Variants in DPP10 observed in about 807,000 individuals in gnomAD.
DPP10 encodes dipeptidyl peptidase like 10, also known as inactive dipeptidyl peptidase 10.
DPP10 carries 33 observed loss-of-function variants against 120.9 expected under a neutral mutation model. That is an observed-to-expected ratio of 0.27 (90% CI 0.21 to 0.37). The LOEUF (loss-of-function observed/expected upper bound fraction) is 0.37. Ranked by LOEUF, DPP10 falls within the 10% of genes least tolerant of loss-of-function variation. DPP10 has a pLI of 1.00. For synonymous variants in DPP10, 337 were observed against 326.1 expected (o/e 1.03, Z -0.36); for missense variants, 816 against 942.8 (o/e 0.87, Z 1.76).
intron 5 of DPP10, among the ~76,000 whole-genome samples, chr2:115,621,601 C>A (rs1312191621): frequency 6.6e-6 from 1 of 152,118 alleles, no homozygotes; most frequent in Non-Finnish European, 1.5e-5. Context: ...GGTGTATTTT[C>A]AATCCGCACA....
At chr2:114,484,989 A>C (rs1350802335) in intron 1 of DPP10, among the ~76,000 whole-genome samples, 1 of 152,018 alleles carries the variant, frequency 6.6e-6, no homozygotes, top group Non-Finnish European at 1.5e-5. Flanking sequence ...ATACAAAACA[A>C]GTTAAAAACA....
intron 1 of DPP10, among the ~76,000 whole-genome samples, chr2:115,200,622 C>G (rs184945860): frequency 1.2e-4 from 19 of 152,340 alleles, no homozygotes; most frequent in African/African-American, 4.3e-4. Context: ...CCTGTTTACT[C>G]TGCTAACCTA....
At chr2:114,944,649 C>A (rs1697213411) in intron 1 of DPP10, among the ~76,000 whole-genome samples, 1 of 152,116 alleles carries the variant, frequency 6.6e-6, no homozygotes, top group South Asian at 2.1e-4. Flanking sequence ...TCTATAGGAA[C>A]CATATAACGT....
chr2:114,463,037 G>A (rs551140548), intron 1 of DPP10, among the ~76,000 whole-genome samples: 2 of 151,924 alleles, frequency 1.3e-5, no homozygotes, highest in Non-Finnish European at 2.9e-5. Flanking sequence ...CAATTTCCCC[G>A]AGGACTCTGG....
intron 19 of DPP10, among the ~76,000 whole-genome samples, chr2:115,805,029 G>C (rs991641859): frequency 7.2e-5 from 11 of 152,218 alleles, no homozygotes; most frequent in Admixed American, 2.6e-4. Flanking sequence ...GCCCCCAGAG[G>C]TGGAGCCTAC....
intron 4 of DPP10, among the ~76,000 whole-genome samples, chr2:115,505,259 A>G (rs1308631641): frequency 6.6e-6 from 1 of 151,950 alleles, no homozygotes; most frequent in Non-Finnish European, 1.5e-5. Flanking sequence ...TAAAAATAAT[A>G]TTAAAAATAA....
intron 1 of DPP10, among the ~76,000 whole-genome samples, chr2:115,289,181 C>A (rs571011201): frequency 6.6e-6 from 1 of 152,036 alleles, no homozygotes; most frequent in South Asian, 2.1e-4. Flanking sequence ...AGAACTCAAC[C>A]GCTTTTATAA....
At chr2:114,748,189 G>A (rs571621990) in intron 1 of DPP10, among the ~76,000 whole-genome samples, 23 of 151,786 alleles carry the variant, frequency 1.5e-4, no homozygotes, top group East Asian at 9.7e-4. Flanking sequence ...ATCTGTTTTC[G>A]TTTTTGTTTT....
chr2:114,690,339 A>T (rs1206072839), intron 1 of DPP10, among the ~76,000 whole-genome samples: 1 of 152,072 alleles, frequency 6.6e-6, no homozygotes, highest in Non-Finnish European at 1.5e-5. Flanking sequence ...TTAAATGGGG[A>T]GTCCTTTCCC....
intron 1 of DPP10, among the ~76,000 whole-genome samples, chr2:115,032,714 C>T (rs1703923724): frequency 6.6e-6 from 1 of 150,858 alleles, no homozygotes; most frequent in Non-Finnish European, 1.5e-5. Context: ...AACCCGGTAT[C>T]TACTGAAAAA....
chr2:114,476,751 T>C (rs767703693), intron 1 of DPP10, among the ~76,000 whole-genome samples: 4 of 152,078 alleles, frequency 2.6e-5, no homozygotes, highest in Non-Finnish European at 5.9e-5. Flanking sequence ...AGTTTAGCAA[T>C]CATACAGAAA....
intron 1 of DPP10, among the ~76,000 whole-genome samples, chr2:114,870,135 A>G (rs1690566984): frequency 6.6e-6 from 1 of 152,178 alleles, no homozygotes; most frequent in African/African-American, 2.4e-5. Context: ...CTCTGGGCAC[A>G]TGATTTTTGT....
intron 1 of DPP10, among the ~76,000 whole-genome samples, chr2:114,751,402 C>G (rs1679207570): frequency 6.6e-6 from 1 of 152,214 alleles, no homozygotes; most frequent in South Asian, 2.1e-4. Context: ...GCTCAGCGTT[C>G]ATTTGGTCCT....
chr2:115,294,563 CT>C (rs2060800238), intron 1 of DPP10, among the ~76,000 whole-genome samples: 1 of 151,706 alleles, frequency 6.6e-6, no homozygotes, highest in Non-Finnish European at 1.5e-5. Context: ...GACTTTTCTT[CT>C]TTGAAAAAGA....
intron 8 of DPP10, among the ~76,000 whole-genome samples, chr2:115,731,501 G>A (rs373604049): frequency 6.6e-6 from 1 of 152,112 alleles, no homozygotes; most frequent in Non-Finnish European, 1.5e-5. Context: ...ACTCCAGCCT[G>A]GGCAACAGAA....
Position 115,455,498 on chromosome 2 carries a change from C to T in DPP10, c.272-44012C>T, listed in dbSNP as rs568689100. Among the ~76,000 whole-genome samples, 3 of 152,086 alleles carry T rather than the reference C, an allele frequency of 2.0e-5. No homozygotes were observed. The South Asian group carries it at 6.2e-4, about 32-fold the overall frequency. ...TTTCATATGGAACCAAAAAAGAGCT[C>T]ACATAGCCAAGACAATCCTAAGCAA... On this transcript the variant is annotated intron_variant, in intron 3 of 25. Coordinates refer to ENST00000410059, the MANE Select transcript of DPP10 (RefSeq NM_020868.6).
chr2:115,317,632 C>CT (rs148408128), intron 2 of DPP10, among the ~76,000 whole-genome samples: 1,707 of 133,206 alleles, frequency 0.013, 14 homozygotes, highest in African/African-American at 0.021. Flanking sequence ...TTGTTCTTTT[C>CT]TTTTTTTTTT....
chr2:114,613,892 C>G (rs1693472275), intron 1 of DPP10, among the ~76,000 whole-genome samples: 1 of 152,122 alleles, frequency 6.6e-6, no homozygotes, highest in African/African-American at 2.4e-5. Context: ...ACCACGTGTT[C>G]TCACTCATAA....
At position 115,104,361 on chromosome 2, in the gene DPP10, G is replaced by A. The variant is rs146165386; in HGVS notation, c.61-204878G>A. The stretch of plus-strand genomic sequence containing the variant: ...CACCTGGCTATAGACCTAAACATAT[G>A]TCTTGCAAATGTTTCACATGACCAT... On this transcript the variant is annotated intron_variant, in intron 1 of 25. Transcript: ENST00000410059. 1.5e-3 allele frequency among the ~76,000 whole-genome samples: 221 copies of A among 151,832 alleles called. 5 individuals are homozygous for A. The East Asian group carries it at 0.032, about 22-fold the overall frequency.
Sources: gnomAD v4.1 joint callset for allele counts (sites outside exome capture counted in the v4.1 genomes callset) on GRCh38, gnomAD v4.1.1 for gene constraint, MANE v1.5 for transcripts, NCBI Gene and HGNC (gene_info 2026-07-23, HGNC 2026-07-21) for gene names.